The following TRPM1 variants were observed in gnomAD, a reference collection of about 807,000 sequenced individuals.
TRPM1 encodes transient receptor potential cation channel subfamily M member 1.
TRPM1 carries 113 observed loss-of-function variants against 149.4 expected under a neutral mutation model. That is an observed-to-expected ratio of 0.76 (90% CI 0.65 to 0.88). The LOEUF is 0.88. Among genes scored for constraint, TRPM1 ranks in the 40% least tolerant of loss-of-function variants. TRPM1 has a pLI of 0.00. For synonymous variants in TRPM1, 741 were observed against 759.5 expected (o/e 0.98, Z 0.40); for missense variants, 1,976 against 2,038.7 (o/e 0.97, Z 0.59).
chr15:31,088,801 CTG>C (rs2035101091), intron 1 of TRPM1, among the ~76,000 whole-genome samples: 1 of 140,492 alleles, frequency 7.1e-6, no homozygotes, highest in African/African-American at 3.1e-5. Flanking sequence ...GTTCTTTCTG[CTG>C]GGGGGATGCG....
chr15:31,106,926 C>A (rs527321751), intron 1 of TRPM1, among the ~76,000 whole-genome samples: 2 of 152,260 alleles, frequency 1.3e-5, no homozygotes, highest in East Asian at 3.9e-4. Flanking sequence ...CACAGCCTCA[C>A]CAACAAAATA....
At chr15:31,092,308 G>A (rs1239747944) in intron 1 of TRPM1, among the ~76,000 whole-genome samples, 1 of 151,906 alleles carries the variant, frequency 6.6e-6, no homozygotes, top group East Asian at 1.9e-4. Context: ...TTGTAAGTCT[G>A]CAGAGACCAC....
chr15:31,027,230 G>A, intron 25 of TRPM1, 113 bp from the exon 26 acceptor site: 1 of 927,210 alleles, frequency 1.1e-6, no homozygotes, highest in Non-Finnish European at 1.7e-6. Context: ...TGGCCTTTTA[G>A]TGCCCTTTAG....
intron 16 of TRPM1, among the ~76,000 whole-genome samples, chr15:31,043,026 G>A (rs2033667074): frequency 1.3e-5 from 2 of 152,224 alleles, no homozygotes; most frequent in African/African-American, 4.8e-5. Context: ...CAAGGACTCT[G>A]AGAGGTTGTG....
At chr15:31,155,800 A>G (rs916034111) in intron 1 of TRPM1, among the ~76,000 whole-genome samples, 2 of 152,150 alleles carry the variant, frequency 1.3e-5, no homozygotes, top group Non-Finnish European at 2.9e-5. Context: ...CTGGGGAGTC[A>G]TGCCTTACAG....
chr15:31,099,921 T>G (rs1336852499), intron 1 of TRPM1, among the ~76,000 whole-genome samples: 1 of 152,166 alleles, frequency 6.6e-6, no homozygotes, highest in Non-Finnish European at 1.5e-5. Flanking sequence ...AGTGCACTCA[T>G]AGAGAGGCAG....
At chr15:31,140,180 A>C (rs543333459) in intron 1 of TRPM1, among the ~76,000 whole-genome samples, 6 of 150,884 alleles carry the variant, frequency 4.0e-5, no homozygotes, top group African/African-American at 1.5e-4. Context: ...CAGCCTGACC[A>C]ATATGGTGAA....
chr15:31,032,997 T>C (rs2033165466), intron 21 of TRPM1, 57 bp from the exon 22 acceptor site: 4 of 1,610,036 alleles, frequency 2.5e-6, no homozygotes, highest in Non-Finnish European at 3.4e-6. Flanking sequence ...AGTCTTGTCT[T>C]AGAATCTTGG....
At chr15:31,121,223 CAAAAAAAAAAAAA>C (rs71420549) in intron 1 of TRPM1, among the ~76,000 whole-genome samples, 1 of 59,382 alleles carries the variant, frequency 1.7e-5, no homozygotes, top group Non-Finnish European at 3.1e-5. Context: ...GACTCCATCT[CAAAAAAAAAAAAA>C]AAAAAAAAGA....
chr15:31,076,996 A>G lies in TRPM1; in HGVS notation c.4-12T>C. 1.3e-6 allele frequency: 2 copies of G among 1,586,864 alleles called. No individual in the cohort carries two copies. Among genetic ancestry groups the G allele is most frequent in the Non-Finnish European group, 1.7e-6 (2 of 1,155,614 alleles). On this transcript the variant is annotated splice_polypyrimidine_tract_variant and intron_variant, in intron 2 of 27. Coordinates refer to ENST00000256552, the MANE Select transcript of TRPM1 (RefSeq NM_001252024.2). Reference sequence around the variant, plus strand: ...CAAGATTTCTGACCCTGGAAGAGAGAGAGAAGTGGATATTGGACCAATACA... The same window carrying G: ...CAAGATTTCTGACCCTGGAAGAGAGGGAGAAGTGGATATTGGACCAATACA...
Position 31,066,121 on chromosome 15 carries a change from G to C in TRPM1, c.745C>G (p.Arg249Gly). The change falls in exon 7 of 28, where the codon CGA becomes GGA. Residue 249 changes from arginine to glycine, a missense_variant. Transcript: ENST00000256552. The stretch of plus-strand genomic sequence containing the variant: ...GAGATGTGCTTTTCCAGCAGCCTTC[G>C]CAGCTTCACCTCGGCGCCATACTTG... ...LGKYGAEVKLRRLLEKHISLQ... is the reference protein window; with the variant it reads ...LGKYGAEVKLGRLLEKHISLQ... 7.4e-6 allele frequency: 12 copies of C among 1,614,158 alleles called. No homozygotes were observed. Among genetic ancestry groups the C allele is most frequent in the Non-Finnish European group, 1.0e-5 (12 of 1,180,016 alleles).
At chr15:31,109,468 A>G in intron 1 of TRPM1, among the ~76,000 whole-genome samples, 1 of 151,710 alleles carries the variant, frequency 6.6e-6, no homozygotes. Flanking sequence ...AGGCCGAGGC[A>G]GGTGGATCAC....
chr15:31,091,812 C>T (rs902160361), intron 1 of TRPM1, among the ~76,000 whole-genome samples: 10 of 152,178 alleles, frequency 6.6e-5, no homozygotes, highest in African/African-American at 2.2e-4. Context: ...GCTTGTAAAA[C>T]TTGGGAGGAT....
Position 31,037,725 on chromosome 15 carries a change from A to G in TRPM1, c.2557T>C (p.Phe853Leu), listed in dbSNP as rs748304340. 20 of 1,614,144 alleles carry G rather than the reference A, an allele frequency of 1.2e-5. No individual in the cohort carries two copies. In the Admixed American group the frequency reaches 1.8e-4, roughly 15 times the overall value. Residue 853 changes from phenylalanine to leucine, a missense_variant, in exon 20 of 28, where the codon TTC becomes CTC. Coordinates refer to ENST00000256552, the MANE Select transcript of TRPM1 (RefSeq NM_001252024.2). ...GGAGGCCTCACTGTGTAAAACCAGA[A>G]CTTGACAATGGGCGCGTTATAGAAT... ...CEFYNAPIVK[F>L]WFYTISYLGY...
chr15:31,065,719 A>G (rs1183593607), intron 7 of TRPM1, among the ~76,000 whole-genome samples: 1 of 152,274 alleles, frequency 6.6e-6, no homozygotes, highest in East Asian at 1.9e-4. Context: ...GCAAATAGAA[A>G]GAATCCTACT....
chr15:31,046,354 A>G, intron 15 of TRPM1, 121 bp from the exon 16 acceptor site: 1 of 885,774 alleles, frequency 1.1e-6, no homozygotes, highest in South Asian at 1.4e-5. Context: ...TGTATCATTA[A>G]CAATTAATGA....
In TRPM1 at chr15:31,001,571, T is replaced by C. The variant is rs17227989; in HGVS notation, c.*251A>G. ...AATAAAGAGATTGTATAATCTTGTATACTGATTAGCCAATTTATCTTCGTT... is the reference window on the plus strand; with the variant it reads ...AATAAAGAGATTGTATAATCTTGTACACTGATTAGCCAATTTATCTTCGTT... On this transcript the variant is annotated 3_prime_UTR_variant, in exon 28 of 28. Coordinates refer to ENST00000256552, the MANE Select transcript of TRPM1 (RefSeq NM_001252024.2). 0.18 allele frequency: 103,732 copies of C among 563,636 alleles called. 11,368 individuals are homozygous for C. The highest frequency in any genetic ancestry group is 0.23 in the Non-Finnish European group (73,909 of 319,946). The allele number at this position is 563,636 out of a possible 1,614,324, so 34.9% of individuals were successfully genotyped here.
chr15:31,065,998 A>G, intron 7 of TRPM1, 78 bp downstream of exon 7: 2 of 1,534,434 alleles, frequency 1.3e-6, no homozygotes, highest in Admixed American at 1.8e-5. Flanking sequence ...CCCCTTGGGC[A>G]ATCAATCTCC....
At chr15:31,089,545 G>T (rs948912166) in intron 1 of TRPM1, among the ~76,000 whole-genome samples, 1 of 152,174 alleles carries the variant, frequency 6.6e-6, no homozygotes, top group African/African-American at 2.4e-5. Flanking sequence ...AGCGGTGGAT[G>T]GGGGGCCGAG....
Sources: allele counts gnomAD v4.1 joint callset (sites outside exome capture counted in the v4.1 genomes callset), GRCh38; gene constraint gnomAD v4.1.1; transcripts MANE v1.5; gene names NCBI Gene and HGNC (gene_info 2026-07-23, HGNC 2026-07-21).